Variants in GLIS3 observed in about 807,000 individuals in gnomAD.
GLIS3 encodes the protein GLIS family zinc finger 3.
In GLIS3, 53 loss-of-function variants were observed where a neutral mutation model predicts 78.6. That is an observed-to-expected ratio of 0.67 (90% CI 0.54 to 0.85). GLIS3 has a LOEUF of 0.85. Ranked by LOEUF, GLIS3 falls within the 40% of genes least tolerant of loss-of-function variation. The pLI is 0.00. For missense variants in GLIS3, 1,703 were observed against 1,231.1 expected, an observed-to-expected ratio of 1.38 and a Z score of -5.74; for synonymous variants, 684 against 509.9, an observed-to-expected ratio of 1.34 and a Z score of -4.60.
chr9:4,081,886 CA>C (rs1231208584), intron 4 of GLIS3, among the ~76,000 whole-genome samples: 2 of 152,162 alleles, frequency 1.3e-5, no homozygotes, highest in Non-Finnish European at 2.9e-5. Flanking sequence ...TTTGTATTCT[CA>C]AACTTGAAAA....
rs371786766 is a variant in GLIS3, at chr9:4,337,571, A to C, written n.264+9510T>G. On this transcript the variant is annotated intron_variant and non_coding_transcript_variant, in intron 2 of 4. Coordinates refer to the GLIS3 transcript ENST00000471664. ...AATCAAAAAAATATATCTAACAAAC[A>C]AAAAGCTTCAGGCTCCTTCCGGTCA... Among the ~76,000 whole-genome samples, 72 of 152,232 alleles carry C rather than the reference A, an allele frequency of 4.7e-4. 1 individual carries two copies. Among genetic ancestry groups the C allele is most frequent in the African/African-American group, 1.7e-3 (70 of 41,458 alleles).
the GLIS3 span, among the ~76,000 whole-genome samples, chr9:4,439,576 T>G: frequency 9.6e-4 from 146 of 152,306 alleles, 1 homozygote; most frequent in Middle Eastern, 3.4e-3. Context: ...CATCTTCTCT[T>G]TCATAACCAC....
chr9:4,018,695 A>C (rs1202516726), intron 4 of GLIS3, among the ~76,000 whole-genome samples: 1 of 152,184 alleles, frequency 6.6e-6, no homozygotes, highest in African/African-American at 2.4e-5. Flanking sequence ...CCTTAGGAAC[A>C]GCTTTGTCAG....
At chr9:3,934,385 G>C (rs1269939421) in intron 5 of GLIS3, among the ~76,000 whole-genome samples, 1 of 151,778 alleles carries the variant, frequency 6.6e-6, no homozygotes, top group Non-Finnish European at 1.5e-5. Context: ...CTACAATTTA[G>C]GTTGGTAATG....
At chr9:3,937,219 G>C in intron 4 of GLIS3, 30 bp from the exon 5 acceptor site, 1 of 1,613,324 alleles carries the variant, frequency 6.2e-7, no homozygotes, top group Middle Eastern at 1.7e-4. Flanking sequence ...TTTGGTGGTT[G>C]AGAAGGACCT....
At chr9:4,439,170 T>A in the GLIS3 span, among the ~76,000 whole-genome samples, 2 of 152,196 alleles carry the variant, frequency 1.3e-5, no homozygotes, top group Non-Finnish European at 2.9e-5. Context: ...TCCCTAATCA[T>A]CCCTGTAAGT....
intron 4 of GLIS3, among the ~76,000 whole-genome samples, chr9:3,976,071 T>C (rs560962708): frequency 6.6e-6 from 1 of 152,256 alleles, no homozygotes; most frequent in South Asian, 2.1e-4. Context: ...CTCAGGGAAA[T>C]CAGGCACATT....
intron 4 of GLIS3, among the ~76,000 whole-genome samples, chr9:4,113,277 T>C (rs959028163): frequency 3.3e-5 from 5 of 152,172 alleles, no homozygotes; most frequent in Non-Finnish European, 7.4e-5. Flanking sequence ...TTTATACTTT[T>C]TTGAAAAACA....
the GLIS3 span, among the ~76,000 whole-genome samples, chr9:4,387,406 T>C: frequency 2.0e-5 from 3 of 152,240 alleles, no homozygotes; most frequent in African/African-American, 7.2e-5. Context: ...GGGTTTCCGA[T>C]TTCAGCATGT....
At chr9:4,136,323 A>G (rs1039485631) in intron 2 of GLIS3, among the ~76,000 whole-genome samples, 4 of 152,210 alleles carry the variant, frequency 2.6e-5, no homozygotes, top group Non-Finnish European at 5.9e-5. Flanking sequence ...GTAATTCATC[A>G]AAGAAGAAGA....
intron 4 of GLIS3, among the ~76,000 whole-genome samples, chr9:4,108,821 C>G (rs1022542616): frequency 2.0e-4 from 31 of 152,302 alleles, no homozygotes; most frequent in African/African-American, 7.2e-4. Context: ...GATGCCCTCT[C>G]TAGAACATTC....
chr9:4,059,091 C>T (rs965478637), intron 4 of GLIS3, among the ~76,000 whole-genome samples: 3 of 152,078 alleles, frequency 2.0e-5, no homozygotes, highest in Admixed American at 6.5e-5. Context: ...TGATCTAGGT[C>T]TGAGTGTTAC....
the GLIS3 span, among the ~76,000 whole-genome samples, chr9:4,471,472 A>C: frequency 7.5e-4 from 114 of 152,282 alleles, no homozygotes; most frequent in African/African-American, 2.5e-3. Flanking sequence ...ATCATCTGAT[A>C]TTTGACAAAC....
intron 7 of GLIS3, among the ~76,000 whole-genome samples, chr9:3,880,290 G>A (rs1208401446): frequency 2.0e-5 from 3 of 152,188 alleles, no homozygotes; most frequent in East Asian, 1.9e-4. Context: ...AGTCCCATTC[G>A]TATGGGCAGC....
chr9:3,869,217 G>T (rs1820812045), intron 8 of GLIS3, among the ~76,000 whole-genome samples: 1 of 152,026 alleles, frequency 6.6e-6, no homozygotes, highest in African/African-American at 2.4e-5. Context: ...TGATGTATAT[G>T]ACTATTACAC....
At chr9:4,097,054 A>C (rs1830007508) in intron 4 of GLIS3, among the ~76,000 whole-genome samples, 1 of 152,076 alleles carries the variant, frequency 6.6e-6, no homozygotes, top group South Asian at 2.1e-4. Flanking sequence ...AAAGGAAACA[A>C]AGGGTGAGAT....
At chr9:4,419,264 G>T in the GLIS3 span, among the ~76,000 whole-genome samples, 1 of 152,120 alleles carries the variant, frequency 6.6e-6, no homozygotes, top group Non-Finnish European at 1.5e-5. Context: ...TGAACAAAAA[G>T]CACGAGCCAC....
At chr9:4,247,879 C>G (rs188888944) in intron 2 of GLIS3, among the ~76,000 whole-genome samples, 421 of 152,234 alleles carry the variant, frequency 2.8e-3, no homozygotes, top group Non-Finnish European at 4.8e-3. Flanking sequence ...CATCACTTCA[C>G]TTCATTGATA....
chr9:4,174,533 T>C (rs1159730836), intron 2 of GLIS3, among the ~76,000 whole-genome samples: 2 of 152,362 alleles, frequency 1.3e-5, no homozygotes, highest in Non-Finnish European at 1.5e-5. Context: ...AAAGAGGATT[T>C]GGATTATGCA....
Sources: allele counts gnomAD v4.1 joint callset (sites outside exome capture counted in the v4.1 genomes callset), GRCh38; gene constraint gnomAD v4.1.1; transcripts MANE v1.5; gene names NCBI Gene and HGNC (gene_info 2026-07-23, HGNC 2026-07-21).